The following TTLL11 variants were observed in gnomAD, a reference collection of about 807,000 sequenced individuals.
TTLL11 encodes the protein tubulin tyrosine ligase like 11.
A neutral mutation model predicts 51.7 loss-of-function variants in TTLL11; 42 were observed. The observed-to-expected ratio is 0.81, with a 90% confidence interval of 0.64 to 1.05. TTLL11 has a LOEUF of 1.05. TTLL11 is among the 50% of genes least tolerant of loss of function. TTLL11 has a pLI of 0.00. For missense variants in TTLL11, 799 were observed against 940.4 expected (o/e 0.85, Z 1.97); for synonymous variants, 381 against 383.5 (o/e 0.99, Z 0.08).
At chr9:121,841,220 C>T (rs1588061860) in intron 8 of TTLL11, among the ~76,000 whole-genome samples, 4 of 152,066 alleles carry the variant, frequency 2.6e-5, no homozygotes, top group Admixed American at 2.0e-4. Context: ...GACGTGTGGG[C>T]GAAGAGTGTG....
chr9:122,057,301 G>A lies in TTLL11; in HGVS notation c.463-17933C>T, dbSNP rs79913747. On this transcript the variant is annotated intron_variant, in intron 1 of 8. Coordinates refer to ENST00000321582, the MANE Select transcript of TTLL11 (RefSeq NM_001139442.2). ...AATAGAAAGTGATCTGCTGTAAGGT[G>A]ACATGATTCAAGCTCAAATCCTTTT... Among the ~76,000 whole-genome samples the A allele has an allele frequency of 8.1e-4, 122 of 150,024 alleles. 2 individuals carry two copies. Among genetic ancestry groups the A allele is most frequent in the African/African-American group, 3.0e-3 (121 of 40,858 alleles).
intron 6 of TTLL11, among the ~76,000 whole-genome samples, chr9:121,907,024 G>A (rs1056387913): frequency 1.3e-5 from 2 of 152,094 alleles, no homozygotes; most frequent in African/African-American, 2.4e-5. Flanking sequence ...AAATAAGAAC[G>A]GTTCTAGAAG....
At chr9:121,845,393 G>GT (rs1653756686) in intron 8 of TTLL11, among the ~76,000 whole-genome samples, 2 of 152,122 alleles carry the variant, frequency 1.3e-5, no homozygotes, top group Admixed American at 1.3e-4. Flanking sequence ...GACTTGCTTT[G>GT]TAACAAATAT....
chr9:121,828,312 A>G (rs1836888210), intron 8 of TTLL11, among the ~76,000 whole-genome samples: 1 of 151,576 alleles, frequency 6.6e-6, no homozygotes, highest in South Asian at 2.1e-4. Context: ...AGCTGGGATT[A>G]CAGGCATGCA....
chr9:121,873,822 T>A (rs1005858628), intron 6 of TTLL11, among the ~76,000 whole-genome samples: 2 of 144,272 alleles, frequency 1.4e-5, no homozygotes, highest in Admixed American at 6.9e-5. Context: ...TGCACCACCA[T>A]TAGCCTGACT....
rs868798552 is a variant in TTLL11 at position 121,828,005 on chromosome 9, A to G, written c.1841-5126T>C. Among the ~76,000 whole-genome samples, 27 of 152,082 alleles carry G rather than the reference A, an allele frequency of 1.8e-4. No homozygotes were observed. In the South Asian group the frequency reaches 5.6e-3, roughly 32 times the overall value. On this transcript the variant is annotated intron_variant, in intron 8 of 8. Transcript: ENST00000321582. ...CAGAACTGGGGCTTTCGCCTTCCTT[A>G]TTTTTTATTTATTATAACAACATAT...
chr9:121,847,148 T>C (rs966564857), intron 8 of TTLL11, among the ~76,000 whole-genome samples: 4 of 146,978 alleles, frequency 2.7e-5, no homozygotes, highest in Admixed American at 7.0e-5. Flanking sequence ...AGGCGGAGCT[T>C]GCCGTGAGGC....
chr9:122,057,343 T>TA (rs1491574883), intron 1 of TTLL11, among the ~76,000 whole-genome samples: 28 of 127,960 alleles, frequency 2.2e-4, no homozygotes, highest in Non-Finnish European at 3.3e-4. Flanking sequence ...TTTTTTTTTT[T>TA]ACTGAATCTC....
intron 1 of TTLL11, among the ~76,000 whole-genome samples, chr9:122,068,878 A>C (rs1845661144): frequency 6.6e-6 from 1 of 151,522 alleles, no homozygotes; most frequent in African/African-American, 2.4e-5. Context: ...ACTTATAAAA[A>C]CCTCCTGTAT....
At chr9:121,986,113 C>T (rs1407494437) in intron 4 of TTLL11, among the ~76,000 whole-genome samples, 1 of 152,196 alleles carries the variant, frequency 6.6e-6, no homozygotes, top group East Asian at 1.9e-4. Flanking sequence ...TTAGTGTGGT[C>T]AAGCAGTGGG....
intron 6 of TTLL11, among the ~76,000 whole-genome samples, chr9:121,895,483 TAG>T (rs1023487922): frequency 1.6e-4 from 25 of 151,638 alleles, no homozygotes; most frequent in Non-Finnish European, 3.5e-4. Flanking sequence ...GTATGAGTGT[TAG>T]TGTGTGTGGT....
chr9:121,828,204 G>A (rs1000746208), intron 8 of TTLL11, among the ~76,000 whole-genome samples: 1 of 142,606 alleles, frequency 7.0e-6, no homozygotes, highest in Non-Finnish European at 1.5e-5. Flanking sequence ...ATGGAGTTTC[G>A]CTCTGTTTCC....
intron 6 of TTLL11, among the ~76,000 whole-genome samples, chr9:121,936,709 A>T (rs1168364476): frequency 6.6e-6 from 1 of 152,202 alleles, no homozygotes; most frequent in East Asian, 1.9e-4. Context: ...TAAAATTATA[A>T]TCTTACAGGT....
At chr9:122,006,998 A>AC (rs1212255254) in intron 3 of TTLL11, among the ~76,000 whole-genome samples, 123 of 129,934 alleles carry the variant, frequency 9.5e-4, no homozygotes, top group African/African-American at 4.2e-3. Context: ...AAAAAAAAAA[A>AC]AAAAAAAAAA....
Position 121,989,227 on chromosome 9 carries a change from G to C in TTLL11, c.1237C>G (p.Pro413Ala), listed in dbSNP as rs1264079739. 6.2e-7 allele frequency: 1 copy of C among 1,614,114 alleles called. No individual in the cohort carries two copies. Among genetic ancestry groups the C allele is most frequent in the Admixed American group, 1.7e-5 (1 of 60,030 alleles). The change falls in exon 4 of 9, where the codon CCC (proline) becomes GCC (alanine). Residue 413 changes from proline (P) to alanine (A), a missense_variant. Coordinates refer to ENST00000321582, the MANE Select transcript of TTLL11 (RefSeq NM_001139442.2). This position sits in a 1 kb window ranked among gnomAD's most constrained non-coding sequence, Gnocchi z 4.2. Reference sequence around the variant, plus strand: ...CACGTGGGGCCCGGCCTCCCCGTGGGGATGTCTGACTGGTAGAAGACTTTG... The same window carrying C: ...CACGTGGGGCCCGGCCTCCCCGTGGCGATGTCTGACTGGTAGAAGACTTTG... Reference protein sequence around the residue: ...ELKVFYQSDIPTGRPGPTCFQ... With the variant: ...ELKVFYQSDIATGRPGPTCFQ...
At chr9:121,823,112 A>G (rs1836634805) in intron 8 of TTLL11, among the ~76,000 whole-genome samples, 1 of 152,220 alleles carries the variant, frequency 6.6e-6, no homozygotes, top group South Asian at 2.1e-4. Context: ...ACACAGACCT[A>G]TGAAGGAAGT....
intron 7 of TTLL11, among the ~76,000 whole-genome samples, chr9:121,870,293 C>T (rs914314346): frequency 2.0e-5 from 3 of 152,120 alleles, no homozygotes; most frequent in Admixed American, 1.3e-4. Context: ...GGTTGCAATG[C>T]GGTCACACCC....
At chr9:121,852,961 G>A (rs1837710109) in intron 8 of TTLL11, among the ~76,000 whole-genome samples, 1 of 152,320 alleles carries the variant, frequency 6.6e-6, no homozygotes. Context: ...GGGGGAGGGG[G>A]CAAGCCATGT....
At chr9:121,868,384 T>C (rs1330723319) in intron 7 of TTLL11, among the ~76,000 whole-genome samples, 1 of 152,188 alleles carries the variant, frequency 6.6e-6, no homozygotes, top group African/African-American at 2.4e-5. Flanking sequence ...ATAATTCTAT[T>C]TCCCAGCTTC....
Sources: gnomAD v4.1 joint callset for allele counts (sites outside exome capture counted in the v4.1 genomes callset) on GRCh38, gnomAD v4.1.1 for gene constraint, Gnocchi (gnomAD v3.1) non-coding constraint, MANE v1.5 for transcripts, NCBI Gene and HGNC (gene_info 2026-07-23, HGNC 2026-07-21) for gene names.